The following C1orf21 variants were observed in gnomAD, a reference collection of about 807,000 sequenced individuals.
C1orf21 encodes chromosome 1 open reading frame 21, also known as uncharacterized protein C1orf21.
Under a neutral mutation model 18.7 loss-of-function variants are expected in C1orf21, and 3 were observed. That is an observed-to-expected ratio of 0.16 (90% CI 0.07 to 0.42). C1orf21 has a LOEUF of 0.42. C1orf21 is among the 10% of genes least tolerant of loss of function. C1orf21 has a pLI of 0.99. For missense variants in C1orf21, 104 were observed against 143.6 expected (o/e 0.72, Z 1.41); for synonymous variants, 41 against 46.4 (o/e 0.88, Z 0.47).
At chr1:184,519,745 A>G (rs1454539158) in intron 3 of C1orf21, among the ~76,000 whole-genome samples, 1 of 152,176 alleles carries the variant, frequency 6.6e-6, no homozygotes, top group Non-Finnish European at 1.5e-5. Flanking sequence ...CCCAACATTA[A>G]TAATTTATGC....
At chr1:184,512,041 AAG>A (rs2101965714) in intron 3 of C1orf21, among the ~76,000 whole-genome samples, 1 of 152,336 alleles carries the variant, frequency 6.6e-6, no homozygotes, top group East Asian at 1.9e-4. Context: ...AAAGGAAAAG[AAG>A]AGACAATGGT....
intron 1 of C1orf21, among the ~76,000 whole-genome samples, chr1:184,474,044 T>G (rs994124669): frequency 1.3e-5 from 2 of 152,196 alleles, no homozygotes; most frequent in Non-Finnish European, 2.9e-5. Flanking sequence ...AAAACTTTCT[T>G]CAGTGATCTA....
intron 1 of C1orf21, among the ~76,000 whole-genome samples, chr1:184,444,092 A>G (rs550820635): frequency 1.2e-4 from 19 of 152,246 alleles, no homozygotes; most frequent in Admixed American, 2.6e-4. Flanking sequence ...CTGCCTCCCA[A>G]TGAAGACATT....
rs1224770496 is a variant in C1orf21 at position 184,514,217 on chromosome 1, A to G, written c.189+6535A>G. On this transcript the variant is annotated intron_variant, in intron 3 of 5. Coordinates refer to ENST00000235307, the MANE Select transcript of C1orf21 (RefSeq NM_030806.4). ...TGACTCAGCAGGCTGAGGCAGGAGG[A>G]TCGCTTGAGCCCAGGAATTCAAGGC... 2.6e-5 allele frequency among the ~76,000 whole-genome samples: 4 copies of G among 152,306 alleles called. No individual in the cohort carries two copies. In the East Asian group the frequency reaches 5.8e-4, roughly 22 times the overall value.
chr1:184,519,719 C>T (rs1189271888), intron 3 of C1orf21, among the ~76,000 whole-genome samples: 1 of 152,180 alleles, frequency 6.6e-6, no homozygotes, highest in Non-Finnish European at 1.5e-5. Context: ...TTGGCAAACT[C>T]AGTGAGGTAG....
intron 1 of C1orf21, among the ~76,000 whole-genome samples, chr1:184,445,712 A>G (rs1657019823): frequency 6.6e-6 from 1 of 152,168 alleles, no homozygotes; most frequent in African/African-American, 2.4e-5. Context: ...AATGCAATGC[A>G]TGTGGCCCTT....
At chr1:184,397,903 C>T (rs1388306712) in intron 1 of C1orf21, among the ~76,000 whole-genome samples, 1 of 152,206 alleles carries the variant, frequency 6.6e-6, no homozygotes, top group Non-Finnish European at 1.5e-5. Flanking sequence ...CTTTAAGTTA[C>T]AGCAAATGAT....
At chr1:184,410,301 G>A (rs1383713126) in intron 1 of C1orf21, among the ~76,000 whole-genome samples, 1 of 151,842 alleles carries the variant, frequency 6.6e-6, no homozygotes. Context: ...TTTTTCAGGT[G>A]GATATCTTTG....
chr1:184,550,874 G>C (rs1453719385), intron 3 of C1orf21, among the ~76,000 whole-genome samples: 1 of 152,090 alleles, frequency 6.6e-6, no homozygotes, highest in Non-Finnish European at 1.5e-5. Context: ...CCTGGACTTG[G>C]TTAAGCCATA....
intron 1 of C1orf21, among the ~76,000 whole-genome samples, chr1:184,446,055 C>G (rs970972730): frequency 6.6e-6 from 1 of 152,054 alleles, no homozygotes; most frequent in Admixed American, 6.6e-5. Context: ...TTAATTTTGA[C>G]AATTTTAATG....
chr1:184,570,745 A>G (rs1252587147), intron 3 of C1orf21, among the ~76,000 whole-genome samples: 1 of 152,258 alleles, frequency 6.6e-6, no homozygotes, highest in Non-Finnish European at 1.5e-5. Flanking sequence ...TGCCAGATGT[A>G]ATGAAAGTGG....
At chr1:184,604,227 T>G (rs1659621424) in intron 5 of C1orf21, among the ~76,000 whole-genome samples, 1 of 152,204 alleles carries the variant, frequency 6.6e-6, no homozygotes, top group Non-Finnish European at 1.5e-5. Flanking sequence ...TAACTGTGTG[T>G]GTAAAGACCT....
chr1:184,557,645 G>A (rs1658897805), intron 3 of C1orf21, among the ~76,000 whole-genome samples: 1 of 152,044 alleles, frequency 6.6e-6, no homozygotes, highest in African/African-American at 2.4e-5. Context: ...TTATCCACTT[G>A]TTGATTGATG....
intron 3 of C1orf21, among the ~76,000 whole-genome samples, chr1:184,556,904 C>T (rs1658886580): frequency 6.6e-6 from 1 of 152,220 alleles, no homozygotes; most frequent in African/African-American, 2.4e-5. Context: ...ATAAAAGCGG[C>T]CTGAGCATCA....
At chr1:184,586,654 T>C (rs182640784) in intron 3 of C1orf21, among the ~76,000 whole-genome samples, 3 of 152,318 alleles carry the variant, frequency 2.0e-5, no homozygotes, top group Admixed American at 1.3e-4. Flanking sequence ...TTATTGATGC[T>C]GGATATTAGA....
At chr1:184,594,401 G>A (rs746216607) in intron 4 of C1orf21, among the ~76,000 whole-genome samples, 1 of 152,112 alleles carries the variant, frequency 6.6e-6, no homozygotes, top group Non-Finnish European at 1.5e-5. Flanking sequence ...CAGGAGAAAA[G>A]ATATCAATTT....
At chr1:184,596,059 G>A (rs551413867) in intron 4 of C1orf21, among the ~76,000 whole-genome samples, 24 of 152,252 alleles carry the variant, frequency 1.6e-4, no homozygotes, top group African/African-American at 5.3e-4. Flanking sequence ...TAGGGATCCC[G>A]ACCCTGTGAT....
At chr1:184,440,551 C>CTT (rs543152256) in intron 1 of C1orf21, among the ~76,000 whole-genome samples, 8,986 of 145,078 alleles carry the variant, frequency 0.062, 332 homozygotes, top group African/African-American at 0.11. Flanking sequence ...TGCACCTGGC[C>CTT]TTTTTTTTTT....
At chr1:184,552,522 A>T (rs1658826946) in intron 3 of C1orf21, among the ~76,000 whole-genome samples, 1 of 152,220 alleles carries the variant, frequency 6.6e-6, no homozygotes, top group African/African-American at 2.4e-5. Context: ...CAAGCCCAAA[A>T]GATGGTCATG....
Sources: gnomAD v4.1 joint callset for allele counts (sites outside exome capture counted in the v4.1 genomes callset) on GRCh38, gnomAD v4.1.1 for gene constraint, MANE v1.5 for transcripts, NCBI Gene and HGNC (gene_info 2026-07-23, HGNC 2026-07-21) for gene names.